The following EPS8 variants were observed in gnomAD, a reference collection of about 807,000 sequenced individuals.
EPS8 encodes the protein epidermal growth factor receptor kinase substrate 8.
Under a neutral mutation model 103.8 loss-of-function variants are expected in EPS8, and 42 were observed. The observed-to-expected ratio is 0.40, with a 90% CI of 0.32 to 0.52. The LOEUF (loss-of-function observed/expected upper bound fraction) is 0.52, where lower values mean the gene tolerates loss of function less well. EPS8 is among the 20% of genes least tolerant of loss of function. The probability of loss-of-function intolerance (pLI) is 0.40; values close to 1 mark genes in which losing one functional copy is unlikely to be tolerated. For synonymous variants in EPS8, 344 were observed against 344.6 expected, an observed-to-expected ratio of 1.00 and a Z score of 0.02; for missense variants, 969 against 1,005.1, an observed-to-expected ratio of 0.96 and a Z score of 0.49.
intron 6 of EPS8, 61 bp downstream of exon 6, chr12:15,669,326 A>C (rs1466480955): frequency 2.7e-6 from 4 of 1,461,632 alleles, no homozygotes; most frequent in Non-Finnish European, 3.7e-6. Flanking sequence ...CAAAATAGGT[A>C]ATTCAAAAGC....
In EPS8 at chr12:15,709,944, C is replaced by T. The variant is rs1243381642; in HGVS notation, c.-21-26972G>A. On this transcript the variant is annotated intron_variant, in intron 1 of 20. Transcript: ENST00000281172. Reference sequence around the variant, plus strand: ...CACATGTGCAGTTCACAATGGGGTTCGACTCCTATGAGAATCTAATGATGT... The same window carrying T: ...CACATGTGCAGTTCACAATGGGGTTTGACTCCTATGAGAATCTAATGATGT... Among the ~76,000 whole-genome samples the T allele has an allele frequency of 5.3e-5, 8 of 152,176 alleles. No homozygotes were observed. The East Asian group carries it at 7.7e-4, about 15-fold the overall frequency.
intron 6 of EPS8, among the ~76,000 whole-genome samples, 200 bp from the exon 7 acceptor site, chr12:15,666,722 T>A (rs146292104): frequency 5.6e-4 from 86 of 152,322 alleles, no homozygotes; most frequent in Non-Finnish European, 9.3e-4. Context: ...TTTTAAAAAC[T>A]GAAGAAATTT....
chr12:15,775,603 G>A (rs1290522299), intron 1 of EPS8, among the ~76,000 whole-genome samples: 1 of 151,910 alleles, frequency 6.6e-6, no homozygotes, highest in East Asian at 1.9e-4. Context: ...AGGAAAGAGG[G>A]CGAGAAAAGC....
chr12:15,713,032 G>T lies in EPS8; in HGVS notation c.-21-30060C>A, dbSNP rs1213555378. 1 of 982,952 alleles carries T rather than the reference G, an allele frequency of 1.0e-6. No homozygotes were observed. The highest frequency in any genetic ancestry group is 6.1e-5 in the Admixed American group (1 of 16,264). The allele number at this position is 982,952 out of a possible 1,614,324, so 60.9% of individuals were successfully genotyped here. On this transcript the variant is annotated intron_variant, in intron 1 of 20. Coordinates refer to ENST00000281172, the MANE Select transcript of EPS8 (RefSeq NM_004447.6). This position sits in a 1 kb window ranked among gnomAD's most constrained non-coding sequence, Gnocchi z 4.8. ...AAATTTCTGATTTGGTTTCTCTAGG[G>T]CGTTAACTAAGATTTCCTCCTCTTG...
chr12:15,634,722 G>C (rs547723623), intron 17 of EPS8: 4 of 398,732 alleles, frequency 1.0e-5, no homozygotes, highest in African/African-American at 8.2e-5. Context: ...TGCCATGAGG[G>C]AACGAATGTG....
At chr12:15,718,825 C>T (rs1946561290) in intron 1 of EPS8, among the ~76,000 whole-genome samples, 1 of 34,244 alleles carries the variant, frequency 2.9e-5, no homozygotes. Flanking sequence ...AGGACTACTT[C>T]AGCTTATTAA....
At chr12:15,653,875 G>A (rs1190008424) in intron 13 of EPS8, among the ~76,000 whole-genome samples, 1 of 152,150 alleles carries the variant, frequency 6.6e-6, no homozygotes, top group Non-Finnish European at 1.5e-5. Flanking sequence ...TTCTTTGAAA[G>A]CTAACTACCC....
In EPS8 at chr12:15,764,708, G is replaced by T. The variant is rs1484527542; in HGVS notation, c.-22+24453C>A. On this transcript the variant is annotated intron_variant, in intron 1 of 20. Transcript: ENST00000281172. The surrounding 1 kb of genome is among the most constrained non-coding windows in gnomAD (Gnocchi z 4.1). ...TATGTCTGACGTCAGCAATTCTGAG[G>T]TGCTAGATCTTAGGGAAAGGGAAAG... is the stretch of plus-strand genomic sequence containing the variant. Among the ~76,000 whole-genome samples the T allele has an allele frequency of 2.0e-5, 3 of 152,090 alleles. No individual in the cohort carries two copies. The highest frequency in any genetic ancestry group is 7.2e-5 in the African/African-American group (3 of 41,414).
rs888085682 is a variant in EPS8 at position 15,728,819 on chromosome 12, C to T, written c.-21-45847G>A. ...TATCAAACTTTGGTAGCAAAATATT[C>T]AAGCCAATAAAAATGGGCTAAAGGA... On this transcript the variant is annotated intron_variant, in intron 1 of 20. Coordinates refer to ENST00000281172, the MANE Select transcript of EPS8 (RefSeq NM_004447.6). The surrounding 1 kb of genome is among the most constrained non-coding windows in gnomAD (Gnocchi z 4.5). Among the ~76,000 whole-genome samples the T allele has an allele frequency of 6.6e-6, 1 of 151,608 alleles. No individual in the cohort carries two copies. Among genetic ancestry groups the T allele is most frequent in the Non-Finnish European group, 1.5e-5 (1 of 67,638 alleles).
Position 15,772,904 on chromosome 12 carries a change from A to G in EPS8, c.-22+16257T>C, listed in dbSNP as rs1237228647. 6.6e-6 allele frequency among the ~76,000 whole-genome samples: 1 copy of G among 152,214 alleles called. No homozygotes were observed. Among genetic ancestry groups the G allele is most frequent in the Non-Finnish European group, 1.5e-5 (1 of 68,038 alleles). On this transcript the variant is annotated intron_variant, in intron 1 of 20. Transcript: ENST00000281172. The surrounding 1 kb of genome is among the most constrained non-coding windows in gnomAD (Gnocchi z 5.0). ...CGAGACACAGTTTATGTCCTCAAAG[A>G]GTTTACAGGTAAATGCTACAGCAAA...
At chr12:15,743,160 C>T (rs1565526858) in intron 1 of EPS8, among the ~76,000 whole-genome samples, 1 of 152,170 alleles carries the variant, frequency 6.6e-6, no homozygotes, top group Non-Finnish European at 1.5e-5. Context: ...CTCCCATTCA[C>T]AATTGCTTCA....
chr12:15,667,976 G>A (rs184455699), intron 6 of EPS8, among the ~76,000 whole-genome samples: 114 of 151,254 alleles, frequency 7.5e-4, no homozygotes, highest in Admixed American at 9.9e-4. Flanking sequence ...TTTAGCTCCC[G>A]GGGGGGGCTT....
At position 15,757,308 on chromosome 12, in the gene EPS8, A is replaced by G. The variant is rs1054335608; in HGVS notation, c.-22+31853T>C. ...AAACTTTCCTTCAGATTGCATATTA[A>G]TAACAAAGAGGTAAAGGTATTTATT... On this transcript the variant is annotated intron_variant, in intron 1 of 20. Transcript: ENST00000281172. The surrounding 1 kb of genome is among the most constrained non-coding windows in gnomAD (Gnocchi z 4.1). 6.6e-6 allele frequency among the ~76,000 whole-genome samples: 1 copy of G among 152,166 alleles called. No individual in the cohort carries two copies. The highest frequency in any genetic ancestry group is 1.5e-5 in the Non-Finnish European group (1 of 68,024).
chr12:15,660,897 C>T (rs1591829514), intron 9 of EPS8, among the ~76,000 whole-genome samples, 157 bp from the exon 10 acceptor site: 1 of 152,134 alleles, frequency 6.6e-6, no homozygotes, highest in Non-Finnish European at 1.5e-5. Context: ...ACTAAATATA[C>T]CTATAGCCAT....
Position 15,669,531 on chromosome 12 carries a change from T to C in EPS8, c.372A>G (p.Glu124=), listed in dbSNP as rs766470079. Residue 124 remains glutamate (E), a synonymous_variant, in exon 6 of 21, where the codon GAA becomes GAG. Transcript: ENST00000281172. The part of the protein sequence containing the change: ...VSLIDLESKN[E]LENFPLNTIQ... ...TTGTGTTTAAAGGAAAATTCTCCAGTTCATTCTATAAATAAAGTGAACATT... is the reference window on the plus strand; with the variant it reads ...TTGTGTTTAAAGGAAAATTCTCCAGCTCATTCTATAAATAAAGTGAACATT... The C allele has an allele frequency of 2.5e-6, 4 of 1,596,784 alleles. 1 individual carries two copies. The South Asian group carries it at 4.5e-5, about 18-fold the overall frequency.
chr12:15,662,201 A>G (rs1449945221), intron 8 of EPS8, 102 bp from the exon 9 acceptor site: 2 of 1,554,074 alleles, frequency 1.3e-6, no homozygotes, highest in African/African-American at 2.7e-5. Flanking sequence ...ACCATTTGCC[A>G]AAGGGAACAC....
chr12:15,719,881 A>G (rs1326107563), intron 1 of EPS8, among the ~76,000 whole-genome samples: 1 of 152,234 alleles, frequency 6.6e-6, no homozygotes, highest in Non-Finnish European at 1.5e-5. Context: ...GGGGCTATGA[A>G]AAACAGATTA....
intron 1 of EPS8, among the ~76,000 whole-genome samples, chr12:15,739,482 T>A (rs1347198509): frequency 6.6e-6 from 1 of 152,144 alleles, no homozygotes; most frequent in Non-Finnish European, 1.5e-5. Context: ...ACCCATCCAA[T>A]CGACTGGGGG....
intron 12 of EPS8, 51 bp downstream of exon 12, chr12:15,658,028 G>T (rs754290154): frequency 3.6e-6 from 4 of 1,099,914 alleles, no homozygotes; most frequent in South Asian, 1.3e-5. Context: ...AGACACTTGG[G>T]GTTAAAAAAT....
Sources: gnomAD v4.1 joint callset for allele counts (sites outside exome capture counted in the v4.1 genomes callset) on GRCh38, gnomAD v4.1.1 for gene constraint, Gnocchi (gnomAD v3.1) non-coding constraint, MANE v1.5 for transcripts, NCBI Gene and HGNC (gene_info 2026-07-23, HGNC 2026-07-21) for gene names.